The following ATXN1 variants were observed in gnomAD, a reference collection of about 807,000 sequenced individuals.
The protein encoded by ATXN1 is ataxin-1.
A neutral mutation model predicts 56.4 loss-of-function variants in ATXN1; 8 were observed. The ratio of observed to expected loss-of-function variants is 0.14; its 90% CI spans 0.08 to 0.26. The LOEUF is 0.26. ATXN1 is among the 10% of genes least tolerant of loss of function. The pLI, the probability that ATXN1 is intolerant of heterozygous loss-of-function variation, is 1.00. For missense variants in ATXN1, 987 were observed against 1,106.5 expected (o/e 0.89, Z 1.53); for synonymous variants, 514 against 494.6 (o/e 1.04, Z -0.52).
At chr6:16,562,462 A>AGAGGG (rs1762139502) in intron 4 of ATXN1, among the ~76,000 whole-genome samples, 1 of 143,154 alleles carries the variant, frequency 7.0e-6, no homozygotes, top group African/African-American at 2.7e-5. Flanking sequence ...AAAGGAGAGG[A>AGAGGG]GAGGAGAGGA....
intron 5 of ATXN1, among the ~76,000 whole-genome samples, chr6:16,509,190 T>C (rs1761033962): frequency 6.6e-6 from 1 of 152,156 alleles, no homozygotes; most frequent in Admixed American, 6.5e-5. Context: ...AACGAGAATA[T>C]ACTGGATACT....
rs550379893 is a variant in ATXN1, at chr6:16,760,794, A to T, written c.-730+504T>A. On this transcript the variant is annotated intron_variant, in intron 1 of 7. Transcript: ENST00000436367. This position sits in a 1 kb window ranked among gnomAD's most constrained non-coding sequence, Gnocchi z 5.3. ...AGGAATGGGAAGAGGGCGGCCGGGA[A>T]AGGGACCACCCCCCAACCCCAGCCG... Among the ~76,000 whole-genome samples, 61 of 150,786 alleles carry T rather than the reference A, an allele frequency of 4.0e-4. No individual in the cohort carries two copies. The South Asian group carries it at 0.012, about 30-fold the overall frequency.
rs370820656 is a variant in ATXN1 at position 16,300,090 on chromosome 6, A to G, written c.*6239T>C. ...AGGATTACTGTAAACAACACTTCCA[A>G]CGAAGGCCTTCAGATTGGCCACAGA... On this transcript the variant is annotated 3_prime_UTR_variant, in exon 8 of 8. Coordinates refer to ENST00000436367, the MANE Select transcript of ATXN1 (RefSeq NM_001128164.2). 5.2e-5 allele frequency: 8 copies of G among 152,646 alleles called. No individual in the cohort carries two copies. In the South Asian group the frequency reaches 1.7e-3, roughly 32 times the overall value. The allele number at this position is 152,646 out of a possible 1,614,324, so 9.5% of individuals were successfully genotyped here. A position where few individuals can be genotyped will look rare whatever the true frequency, so the allele number is the denominator to read the frequency against.
intron 6 of ATXN1, among the ~76,000 whole-genome samples, chr6:16,452,903 C>T (rs186637446): frequency 8.5e-5 from 13 of 152,286 alleles, no homozygotes; most frequent in Admixed American, 5.9e-4. Flanking sequence ...GAAAGTTTAG[C>T]GTAAACCTAC....
chr6:16,583,549 T>C (rs1358966656), intron 4 of ATXN1, among the ~76,000 whole-genome samples: 1 of 152,168 alleles, frequency 6.6e-6, no homozygotes, highest in African/African-American at 2.4e-5. Flanking sequence ...CGGGAAGAGA[T>C]GAGCCAACTA....
chr6:16,714,614 CAT>C (rs1273974527), intron 2 of ATXN1, among the ~76,000 whole-genome samples: 1 of 152,048 alleles, frequency 6.6e-6, no homozygotes, highest in East Asian at 1.9e-4. Flanking sequence ...ACAGTATATA[CAT>C]GTTACTTAAT....
chr6:16,512,774 A>G (rs138632189), intron 5 of ATXN1, among the ~76,000 whole-genome samples: 437 of 152,316 alleles, frequency 2.9e-3, no homozygotes, highest in African/African-American at 9.7e-3. Flanking sequence ...CAGGAGCTAC[A>G]GCAACAGAAG....
intron 2 of ATXN1, among the ~76,000 whole-genome samples, chr6:16,712,192 A>C (rs1198917815): frequency 6.6e-6 from 1 of 152,200 alleles, no homozygotes; most frequent in Non-Finnish European, 1.5e-5. Flanking sequence ...AGATGTGTTG[A>C]TTTCACTGTA....
chr6:16,306,946 C>T lies in ATXN1; in HGVS notation c.1918-87G>A. The T allele has an allele frequency of 1.4e-6, 2 of 1,408,662 alleles. No individual in the cohort carries two copies. Among genetic ancestry groups the T allele is most frequent in the Non-Finnish European group, 1.9e-6 (2 of 1,052,642 alleles). The allele number at this position is 1,408,662 out of a possible 1,614,324, so 87.3% of individuals were successfully genotyped here. A position where few individuals can be genotyped will look rare whatever the true frequency, so the allele number is the denominator to read the frequency against. On this transcript the variant is annotated intron_variant, in intron 7 of 7. Transcript: ENST00000436367. This position sits in a 1 kb window ranked among gnomAD's most constrained non-coding sequence, Gnocchi z 5.2. ...TCTTGTTTGATTTTATGCACACACA[C>T]AGGTATGAACTCACACAGACACACA...
chr6:16,514,827 C>CA, intron 5 of ATXN1, among the ~76,000 whole-genome samples: 1 of 151,698 alleles, frequency 6.6e-6, no homozygotes, highest in Non-Finnish European at 1.5e-5. Context: ...ACTAAAAATA[C>CA]AAAAAATTAG....
intron 7 of ATXN1, among the ~76,000 whole-genome samples, chr6:16,316,304 T>C (rs114384998): frequency 0.022 from 3,377 of 152,264 alleles, 118 homozygotes; most frequent in African/African-American, 0.074. Context: ...ATGAAACCAG[T>C]CCCTGGTGCC....
intron 4 of ATXN1, among the ~76,000 whole-genome samples, chr6:16,541,125 C>T (rs977782278): frequency 6.6e-6 from 1 of 152,140 alleles, no homozygotes; most frequent in African/African-American, 2.4e-5. Context: ...GAGAAGCTGC[C>T]CCGCTGCCCC....
In ATXN1 at chr6:16,306,111, G is replaced by T; in HGVS notation, c.*218C>A. The T allele has an allele frequency of 2.0e-6, 1 of 490,574 alleles. No homozygotes were observed. The highest frequency in any genetic ancestry group is 2.3e-5 in the South Asian group (1 of 43,400). The allele number at this position is 490,574 out of a possible 1,614,324, so 30.4% of individuals were successfully genotyped here. A position where few individuals can be genotyped will look rare whatever the true frequency, so the allele number is the denominator to read the frequency against. On this transcript the variant is annotated 3_prime_UTR_variant, in exon 8 of 8. Transcript: ENST00000436367. The surrounding 1 kb of genome is among the most constrained non-coding windows in gnomAD (Gnocchi z 5.2). ...GCCTGGAGCCCTGACCGCTCCTGCT[G>T]TGCCCTTCCTCCCGCCCGCTCACTG...
intron 6 of ATXN1, among the ~76,000 whole-genome samples, chr6:16,375,246 TA>T (rs1290409062): frequency 1.3e-5 from 2 of 152,224 alleles, no homozygotes; most frequent in African/African-American, 4.8e-5. Context: ...GAAAAGGATA[TA>T]TTATTGCCCA....
At chr6:16,407,224 C>T (rs1758704228) in intron 6 of ATXN1, among the ~76,000 whole-genome samples, 1 of 152,158 alleles carries the variant, frequency 6.6e-6, no homozygotes. Flanking sequence ...GTGGGCACTA[C>T]CCTTATCTTA....
At chr6:16,623,312 A>G (rs996737865) in intron 3 of ATXN1, among the ~76,000 whole-genome samples, 3 of 152,224 alleles carry the variant, frequency 2.0e-5, no homozygotes, top group Non-Finnish European at 2.9e-5. Flanking sequence ...TGTACCAATG[A>G]ATATTCCTAT....
In ATXN1 at chr6:16,410,461, G is replaced by A. The variant is rs537926908; in HGVS notation, c.-161+75511C>T. Among the ~76,000 whole-genome samples, 18 of 152,256 alleles carry A rather than the reference G, an allele frequency of 1.2e-4. No homozygotes were observed. The highest frequency in any genetic ancestry group is 1.8e-4 in the Non-Finnish European group (12 of 68,026). On this transcript the variant is annotated intron_variant, in intron 6 of 7. Coordinates refer to ENST00000436367, the MANE Select transcript of ATXN1 (RefSeq NM_001128164.2). This position sits in a 1 kb window ranked among gnomAD's most constrained non-coding sequence, Gnocchi z 4.6. ...TAATGCTTGCACTGGGATTTCTGAC[G>A]AATACCTCAGAGGCTATGTTGGGCT... is the stretch of plus-strand genomic sequence containing the variant.
At chr6:16,540,816 C>T (rs1561746608) in intron 4 of ATXN1, among the ~76,000 whole-genome samples, 3 of 152,198 alleles carry the variant, frequency 2.0e-5, no homozygotes, top group Non-Finnish European at 4.4e-5. Flanking sequence ...GAGTTCCTCT[C>T]CCAACAGAGC....
At chr6:16,319,434 G>A (rs765095302) in intron 7 of ATXN1, among the ~76,000 whole-genome samples, 9 of 152,186 alleles carry the variant, frequency 5.9e-5, no homozygotes, top group Non-Finnish European at 8.8e-5. Context: ...GGTGCCAGGA[G>A]TTTCAGGTGG....
Sources: gnomAD v4.1 joint callset for allele counts (sites outside exome capture counted in the v4.1 genomes callset) on GRCh38, gnomAD v4.1.1 for gene constraint, Gnocchi (gnomAD v3.1) non-coding constraint, MANE v1.5 for transcripts, NCBI Gene and HGNC (gene_info 2026-07-23, HGNC 2026-07-21) for gene names.